The following ASAP2 variants were observed in gnomAD, a reference collection of about 807,000 sequenced individuals.
ASAP2 encodes the protein ArfGAP with SH3 domain, ankyrin repeat and PH domain 2.
A neutral mutation model predicts 131.4 loss-of-function variants in ASAP2; 45 were observed. The observed-to-expected ratio is 0.34, with a 90% CI of 0.27 to 0.44. The LOEUF (loss-of-function observed/expected upper bound fraction) is 0.44, where lower values mean the gene tolerates loss of function less well. ASAP2 is among the 20% of genes least tolerant of loss of function. ASAP2 has a pLI of 1.00. For synonymous variants in ASAP2, 510 were observed against 503.0 expected (o/e 1.01, Z -0.19); for missense variants, 1,011 against 1,297.0 (o/e 0.78, Z 3.39).
chr2:9,227,101 C>T (rs2148008291), intron 1 of ASAP2, among the ~76,000 whole-genome samples: 1 of 152,318 alleles, frequency 6.6e-6, no homozygotes, highest in South Asian at 2.1e-4. Context: ...TGGAATCCTG[C>T]TCATCTGCCA....
At chr2:9,346,461 T>G (rs1403167071) in intron 11 of ASAP2, among the ~76,000 whole-genome samples, 1 of 151,960 alleles carries the variant, frequency 6.6e-6, no homozygotes, top group South Asian at 2.1e-4. Context: ...AGCCATTCTT[T>G]CCATGCGTGG....
intron 1 of ASAP2, among the ~76,000 whole-genome samples, chr2:9,273,639 G>C (rs931797371): frequency 2.0e-5 from 3 of 152,218 alleles, no homozygotes; most frequent in Admixed American, 1.3e-4. Context: ...AGTTGGGAGT[G>C]CTGATTGGTT....
In ASAP2 at chr2:9,318,607, T is replaced by C. The variant is rs762971727; in HGVS notation, c.420+9T>C. 6 of 1,601,072 alleles carry C rather than the reference T, an allele frequency of 3.7e-6. No individual in the cohort carries two copies. Among genetic ancestry groups the C allele is most frequent in the East Asian group, 4.5e-5 (2 of 44,520 alleles). On this transcript the variant is annotated intron_variant, in intron 4 of 27. Coordinates refer to ENST00000281419, the MANE Select transcript of ASAP2 (RefSeq NM_003887.3). ...TGAAAGGAGTGAAAGGGGTATGACATTGACACTGTGACACCAGGGGCAGCT... is the reference window on the plus strand; with the variant it reads ...TGAAAGGAGTGAAAGGGGTATGACACTGACACTGTGACACCAGGGGCAGCT...
Position 9,356,276 on chromosome 2 carries a change from A to G in ASAP2, c.1258A>G (p.Thr420Ala). The G allele has an allele frequency of 1.2e-6, 2 of 1,614,056 alleles. No homozygotes were observed. The highest frequency in any genetic ancestry group is 1.1e-5 in the South Asian group (1 of 91,058). Residue 420 changes from threonine (T) to alanine (A), a missense_variant, in exon 14 of 28, where the codon ACA becomes GCA. Thr to Ala is a moderately conservative substitution (Grantham distance 58, BLOSUM62 0). Coordinates refer to ENST00000281419, the MANE Select transcript of ASAP2 (RefSeq NM_003887.3). ...AGAAAATAACATCGTCCAAGAACTG[A>G]CAAAGGAGATCATCTCAGAAGTGCA... ...TGENNIVQELTKEIISEVQRM... is the reference protein window; with the variant it reads ...TGENNIVQELAKEIISEVQRM...
chr2:9,318,307 AAT>A (rs1464031488), intron 3 of ASAP2, among the ~76,000 whole-genome samples: 5 of 152,212 alleles, frequency 3.3e-5, no homozygotes, highest in Non-Finnish European at 7.3e-5. Context: ...GTTACTGTGA[AAT>A]ATATACAGAC....
intron 1 of ASAP2, among the ~76,000 whole-genome samples, chr2:9,250,941 C>T (rs1344597033): frequency 6.6e-6 from 1 of 152,144 alleles, no homozygotes; most frequent in Non-Finnish European, 1.5e-5. Context: ...TGAAACGAGG[C>T]GTGGTGAAAG....
intron 16 of ASAP2, among the ~76,000 whole-genome samples, chr2:9,371,087 G>A (rs1444925340): frequency 6.6e-6 from 1 of 152,194 alleles, no homozygotes; most frequent in African/African-American, 2.4e-5. Context: ...AATGAACACT[G>A]TCAATGTGGA....
chr2:9,223,837 C>G (rs2147992843), intron 1 of ASAP2, among the ~76,000 whole-genome samples: 1 of 152,142 alleles, frequency 6.6e-6, no homozygotes, highest in South Asian at 2.1e-4. Context: ...GGTGGGGGCC[C>G]CCTTCTACTC....
intron 21 of ASAP2, among the ~76,000 whole-genome samples, chr2:9,387,089 C>T (rs1661631314): frequency 1.3e-5 from 2 of 150,950 alleles, no homozygotes; most frequent in Admixed American, 1.3e-4. Context: ...GGGGGGGCGC[C>T]TGTAGTCCCA....
At position 9,297,403 on chromosome 2, in the gene ASAP2, C is replaced by T. The variant is rs761940253; in HGVS notation, c.303C>T (p.Phe101=). 3 of 1,614,056 alleles carry T rather than the reference C, an allele frequency of 1.9e-6. No individual in the cohort carries two copies. The highest frequency in any genetic ancestry group is 2.2e-5 in the South Asian group (2 of 91,090). The stretch of plus-strand genomic sequence containing the variant: ...ATTTAGGAAGTGCGTTCCTGAAGTT[C>T]TCAGTGTTTACAAAGGAGTTGACAG... ...DPDLGSAFLK[F]SVFTKELTAL... Residue 101 remains phenylalanine, a synonymous_variant, in exon 3 of 28, where the codon TTC becomes TTT. Coordinates refer to ENST00000281419, the MANE Select transcript of ASAP2 (RefSeq NM_003887.3).
intron 3 of ASAP2, among the ~76,000 whole-genome samples, chr2:9,299,349 A>G (rs1164145748): frequency 1.3e-5 from 2 of 152,172 alleles, no homozygotes; most frequent in Non-Finnish European, 2.9e-5. Context: ...GGCATGGAGC[A>G]ATGCCATTAA....
intron 1 of ASAP2, among the ~76,000 whole-genome samples, chr2:9,254,568 T>C (rs2148160266): frequency 7.0e-6 from 1 of 143,558 alleles, no homozygotes; most frequent in Admixed American, 7.2e-5. Context: ...GAGACGGGGT[T>C]TTACCATGTT....
rs769002716 is a variant in ASAP2, at chr2:9,378,949, A to G, written c.1838A>G (p.Asn613Ser). The G allele has an allele frequency of 6.8e-7, 1 of 1,462,084 alleles. No homozygotes were observed. Among genetic ancestry groups the G allele is most frequent in the Non-Finnish European group, 9.1e-7 (1 of 1,097,228 alleles). 90.6% of individuals were successfully genotyped at this position (1,462,084 alleles called of 1,614,324 possible). A position where few individuals can be genotyped will look rare whatever the true frequency, so the allele number is the denominator to read the frequency against. ...IVDFLVQNSG[N>S]LDKQTGKGST... ...CTGTTCCTGTTCTCGGGCAGTGGGA[A>G]CCTGGATAAACAGACAGGGAAAGGC... The change falls in exon 19 of 28, where the codon AAC becomes AGC. Residue 613 changes from asparagine to serine, a missense_variant. This residue lies in a region of ASAP2 where 652 missense variants were observed against 698.9 expected (regional missense o/e 0.93). Coordinates refer to ENST00000281419, the MANE Select transcript of ASAP2 (RefSeq NM_003887.3).
intron 17 of ASAP2, among the ~76,000 whole-genome samples, chr2:9,376,041 G>A (rs1674373997): frequency 6.6e-6 from 1 of 152,246 alleles, no homozygotes; most frequent in East Asian, 1.9e-4. Flanking sequence ...TTGGTCCCCT[G>A]GAACCTCCTG....
chr2:9,401,449 C>G, intron 27 of ASAP2, 53 bp downstream of exon 27: 1 of 1,595,216 alleles, frequency 6.3e-7, no homozygotes, highest in Non-Finnish European at 8.5e-7. Flanking sequence ...ACGTCCCTGC[C>G]CACCTGGCTG....
At chr2:9,323,720 C>T (rs1258783042) in intron 6 of ASAP2, among the ~76,000 whole-genome samples, 4 of 152,120 alleles carry the variant, frequency 2.6e-5, no homozygotes, top group African/African-American at 9.7e-5. Flanking sequence ...CTAGACCTCA[C>T]CTGCTCAGGC....
Position 9,380,866 on chromosome 2 carries a change from C to A in ASAP2, c.2016+58C>A. ...ACCTGTCACGGGACAGGGAGCCAAGCCTGTCCTCCTTGGGCAGGGTTTGCT... is the reference window on the plus strand; with the variant it reads ...ACCTGTCACGGGACAGGGAGCCAAGACTGTCCTCCTTGGGCAGGGTTTGCT... On this transcript the variant is annotated intron_variant, in intron 20 of 27. Coordinates refer to ENST00000281419, the MANE Select transcript of ASAP2 (RefSeq NM_003887.3). 13 of 1,551,176 alleles carry A rather than the reference C, an allele frequency of 8.4e-6. No individual in the cohort carries two copies. In the South Asian group the frequency reaches 1.1e-4, roughly 14 times the overall value.
intron 3 of ASAP2, among the ~76,000 whole-genome samples, chr2:9,314,114 G>A (rs1372190028): frequency 1.3e-5 from 2 of 152,172 alleles, no homozygotes; most frequent in Non-Finnish European, 2.9e-5. Flanking sequence ...CTCCCGAGTA[G>A]CTAGGATTAC....
Position 9,210,500 on chromosome 2 carries a change from A to G in ASAP2, c.126+3270A>G, listed in dbSNP as rs550511237. On this transcript the variant is annotated intron_variant, in intron 1 of 27. Transcript: ENST00000281419. ...TTACATGGGGGGAAGTGTCAGGGAA[A>G]TGGATGAATGGCTGAATGGGTGAGT... Among the ~76,000 whole-genome samples, 3 of 152,180 alleles carry G rather than the reference A, an allele frequency of 2.0e-5. No homozygotes were observed. The East Asian group carries it at 5.8e-4, about 30-fold the overall frequency.
Sources: allele counts gnomAD v4.1 joint callset (sites outside exome capture counted in the v4.1 genomes callset), GRCh38; gene constraint gnomAD v4.1.1; regional missense constraint gnomAD v4.1.1; transcripts MANE v1.5; gene names NCBI Gene and HGNC (gene_info 2026-07-23, HGNC 2026-07-21).